Variants in EXD3 observed in about 807,000 individuals in gnomAD.
EXD3 encodes the protein exonuclease 3'-5' domain containing 3.
EXD3 carries 92 observed loss-of-function variants against 98.0 expected under a neutral mutation model. That is an observed-to-expected ratio of 0.94 (90% CI 0.79 to 1.12). The LOEUF (loss-of-function observed/expected upper bound fraction) is 1.12. Ranked by LOEUF, EXD3 falls within the 50% of genes most tolerant of loss-of-function variation. The pLI is 0.00. For missense variants in EXD3, 1,222 were observed against 1,191.6 expected, an observed-to-expected ratio of 1.03 and a Z score of -0.38; for synonymous variants, 569 against 526.0, an observed-to-expected ratio of 1.08 and a Z score of -1.12.
chr9:137,386,396 T>C (rs1836592815), intron 2 of EXD3, among the ~76,000 whole-genome samples: 1 of 152,052 alleles, frequency 6.6e-6, no homozygotes, highest in Admixed American at 6.5e-5. Flanking sequence ...CCGGCCCTCC[T>C]ACTCCCCAGT....
chr9:137,314,207 C>T (rs1831515563), intron 19 of EXD3, among the ~76,000 whole-genome samples: 1 of 152,204 alleles, frequency 6.6e-6, no homozygotes, highest in South Asian at 2.1e-4. Context: ...TGGGTCTGGC[C>T]CACACCTCAC....
Position 137,354,083 on chromosome 9 carries a change from G to A in EXD3, c.870+256C>T, listed in dbSNP as rs567404663. On this transcript the variant is annotated intron_variant, in intron 10 of 21. Coordinates refer to ENST00000340951, the MANE Select transcript of EXD3 (RefSeq NM_017820.5). ...AGGCAGCTCCGCTGGGTTGGTTCGG[G>A]TGGCACGGACGCTGCCGTCTGCCTG... 4.5e-4 allele frequency: 562 copies of A among 1,244,608 alleles called. 1 individual carries two copies. The African/African-American group carries it at 8.0e-3, about 18-fold the overall frequency. The allele number at this position is 1,244,608 out of a possible 1,614,324, so 77.1% of individuals were successfully genotyped here.
rs763736696 is a variant in EXD3 at position 137,366,387 on chromosome 9, T to G, written c.656+106A>C. On this transcript the variant is annotated intron_variant, in intron 7 of 21. Coordinates refer to ENST00000340951, the MANE Select transcript of EXD3 (RefSeq NM_017820.5). ...CTGTGACCCAAACACCAGAACTTCCTGGGGAGAGCTCTCCCACGCGCCTGC... is the reference window on the plus strand; with the variant it reads ...CTGTGACCCAAACACCAGAACTTCCGGGGGAGAGCTCTCCCACGCGCCTGC... 4.8e-6 allele frequency: 7 copies of G among 1,458,206 alleles called. No individual in the cohort carries two copies. The South Asian group carries it at 8.5e-5, about 18-fold the overall frequency. 90.3% of individuals were successfully genotyped at this position (1,458,206 alleles called of 1,614,324 possible). A position where few individuals can be genotyped will look rare whatever the true frequency, so the allele number is the denominator to read the frequency against.
Position 137,352,400 on chromosome 9 carries a change from C to A in EXD3, c.1038-199G>T, listed in dbSNP as rs77793547. 2.8e-3 allele frequency among the ~76,000 whole-genome samples: 420 copies of A among 152,322 alleles called. 1 individual carries two copies. The highest frequency in any genetic ancestry group is 9.7e-3 in the African/African-American group (403 of 41,566). ...CCAGTGGCCCTGGTGACTGTCCCCCCAGGGTCCCTCATGGGTCGGGCTGGC... is the reference window on the plus strand; with the variant it reads ...CCAGTGGCCCTGGTGACTGTCCCCCAAGGGTCCCTCATGGGTCGGGCTGGC... On this transcript the variant is annotated intron_variant, in intron 11 of 21. Coordinates refer to ENST00000340951, the MANE Select transcript of EXD3 (RefSeq NM_017820.5).
intron 1 of EXD3, among the ~76,000 whole-genome samples, chr9:137,420,746 C>T (rs60500880): frequency 1.4e-5 from 2 of 147,766 alleles, no homozygotes; most frequent in East Asian, 2.0e-4. Flanking sequence ...CACCCCCCCC[C>T]CCAAATTCAT....
rs147131459 is a variant in EXD3, at chr9:137,350,953, C to A, written c.1494+85G>T. On this transcript the variant is annotated intron_variant, in intron 14 of 21. Transcript: ENST00000340951. ...GAATCCGGCGGGAGAAGCCCAGGGC[C>A]GCTGGGAAGGTGTGGAGGGGCCCCA... is the stretch of plus-strand genomic sequence containing the variant. 2.7e-6 allele frequency: 3 copies of A among 1,099,376 alleles called. No individual in the cohort carries two copies. In the South Asian group the frequency reaches 4.3e-5, roughly 16 times the overall value. 68.1% of individuals were successfully genotyped at this position (1,099,376 alleles called of 1,614,324 possible). A position where few individuals can be genotyped will look rare whatever the true frequency, so the allele number is the denominator to read the frequency against.
At position 137,349,554 on chromosome 9, in the gene EXD3, G is replaced by T; in HGVS notation, c.1495-23C>A. 6.5e-7 allele frequency: 1 copy of T among 1,543,016 alleles called. No homozygotes were observed. The highest frequency in any genetic ancestry group is 8.7e-7 in the Non-Finnish European group (1 of 1,145,126). On this transcript the variant is annotated intron_variant, in intron 14 of 21. Transcript: ENST00000340951. The surrounding 1 kb of genome is among the most constrained non-coding windows in gnomAD (Gnocchi z 7.4). ...CATCTGCTAAGACAGTGCCCTGCAG[G>T]GTAACGCGTCTGGCCCTGGCGGCAG...
intron 8 of EXD3, among the ~76,000 whole-genome samples, chr9:137,355,479 GGAGGAAGGAGGAT>G (rs1834614256): frequency 2.7e-5 from 3 of 110,500 alleles, no homozygotes; most frequent in Non-Finnish European, 1.9e-5. Flanking sequence ...GAAGGAGGAA[GGAGGAAGGAGGAT>G]GGAGGAAGGA....
intron 19 of EXD3, among the ~76,000 whole-genome samples, chr9:137,311,641 G>T (rs984452574): frequency 3.9e-5 from 6 of 152,324 alleles, no homozygotes; most frequent in Admixed American, 1.3e-4. Context: ...CACGGCTGCT[G>T]CCCGCTGTGG....
At chr9:137,366,351 TC>T (rs748799743) in intron 7 of EXD3, 141 bp downstream of exon 7, 2 of 1,226,326 alleles carry the variant, frequency 1.6e-6, no homozygotes, top group South Asian at 2.6e-5. Flanking sequence ...CCAGCTGCAG[TC>T]ACATGGCAGC....
chr9:137,316,928 T>C (rs1344181715), intron 19 of EXD3, among the ~76,000 whole-genome samples: 1 of 152,086 alleles, frequency 6.6e-6, no homozygotes, highest in African/African-American at 2.4e-5. Context: ...GAGGGGCACG[T>C]TGTGGGATCT....
intron 3 of EXD3, among the ~76,000 whole-genome samples, chr9:137,380,008 G>A (rs1031098425): frequency 2.0e-5 from 3 of 151,690 alleles, no homozygotes; most frequent in Admixed American, 2.0e-4. Context: ...CCGTTGTTCC[G>A]GGAGACTTCA....
chr9:137,313,909 T>C (rs1224424584), intron 19 of EXD3, among the ~76,000 whole-genome samples: 2 of 152,190 alleles, frequency 1.3e-5, no homozygotes, highest in East Asian at 1.9e-4. Context: ...GCACCTTCCC[T>C]GGACAGGCCT....
chr9:137,321,144 C>G (rs1391815602), intron 19 of EXD3, among the ~76,000 whole-genome samples: 1 of 152,272 alleles, frequency 6.6e-6, no homozygotes, highest in Non-Finnish European at 1.5e-5. Context: ...CGAGCCGGAG[C>G]TTTCCCTCTT....
intron 7 of EXD3, among the ~76,000 whole-genome samples, chr9:137,358,089 G>T (rs1834883455): frequency 6.6e-6 from 1 of 152,144 alleles, no homozygotes; most frequent in Admixed American, 6.6e-5. Flanking sequence ...GACACACCCA[G>T]GATCAATACT....
Position 137,395,396 on chromosome 9 carries a change from A to G in EXD3, c.-39T>C. ...CCGAGGACGCTGGCAGGCAGCTAGG[A>G]ACGAGGATCTGCAGAAACAGACAAT... is the stretch of plus-strand genomic sequence containing the variant. On this transcript the variant is annotated 5_prime_UTR_variant, in exon 2 of 22. Coordinates refer to ENST00000340951, the MANE Select transcript of EXD3 (RefSeq NM_017820.5). This position sits in a 1 kb window ranked among gnomAD's most constrained non-coding sequence, Gnocchi z 6.5. 2.5e-6 allele frequency: 4 copies of G among 1,613,046 alleles called. No individual in the cohort carries two copies. The highest frequency in any genetic ancestry group is 2.5e-6 in the Non-Finnish European group (3 of 1,179,750).
chr9:137,319,596 T>C (rs1564467677), intron 19 of EXD3, among the ~76,000 whole-genome samples: 1 of 152,130 alleles, frequency 6.6e-6, no homozygotes. Context: ...CACGGATGTG[T>C]GGCTTGGGGC....
In EXD3 at chr9:137,365,823, C is replaced by T. The variant is rs544130544; in HGVS notation, c.656+670G>A. 171 of 348,592 alleles carry T rather than the reference C, an allele frequency of 4.9e-4. 2 individuals are homozygous for T. The highest frequency in any genetic ancestry group is 1.6e-3 in the African/African-American group (73 of 45,746). The allele number at this position is 348,592 out of a possible 1,614,324, so 21.6% of individuals were successfully genotyped here. A position where few individuals can be genotyped will look rare whatever the true frequency, so the allele number is the denominator to read the frequency against. ...CACACACATGTACACATCATATGCA[C>T]GCAGACATACACACCTGCACAAACG... On this transcript the variant is annotated intron_variant, in intron 7 of 21. Coordinates refer to ENST00000340951, the MANE Select transcript of EXD3 (RefSeq NM_017820.5).
chr9:137,312,053 G>T (rs1486920543), intron 19 of EXD3, among the ~76,000 whole-genome samples: 1 of 152,176 alleles, frequency 6.6e-6, no homozygotes, highest in East Asian at 1.9e-4. Flanking sequence ...GGCGGGCCAG[G>T]ACTCCATGCC....
Sources: allele counts gnomAD v4.1 joint callset (sites outside exome capture counted in the v4.1 genomes callset), GRCh38; gene constraint gnomAD v4.1.1; non-coding constraint Gnocchi (gnomAD v3.1); transcripts MANE v1.5; gene names NCBI Gene and HGNC (gene_info 2026-07-23, HGNC 2026-07-21).